Variants in PCDHA3 observed in about 807,000 individuals in gnomAD.
The protein encoded by PCDHA3 is protocadherin alpha 3.
In PCDHA3, 41 loss-of-function variants were observed where a neutral mutation model predicts 62.2. That is an observed-to-expected ratio of 0.66 (90% CI 0.51 to 0.86). PCDHA3 has a LOEUF of 0.86. Among genes scored for constraint, PCDHA3 ranks in the 40% least tolerant of loss-of-function variants. PCDHA3 has a pLI of 0.00. For missense variants in PCDHA3, 1,304 were observed against 1,241.2 expected, an observed-to-expected ratio of 1.05 and a Z score of -0.76; for synonymous variants, 640 against 555.4, an observed-to-expected ratio of 1.15 and a Z score of -2.14.
In PCDHA3 at chr5:140,850,658, G is replaced by T. The variant is rs2150492440; in HGVS notation, c.2394+47067G>T. On this transcript the variant is annotated intron_variant, in intron 1 of 3. Transcript: ENST00000522353. The stretch of plus-strand genomic sequence containing the variant: ...TCACGCTGCTGCTGTACACTGTGCT[G>T]CGGTGCTCGGCGATGCCCACCGAGG... 24 of 1,598,502 alleles carry T rather than the reference G, an allele frequency of 1.5e-5. 1 individual carries two copies. Among genetic ancestry groups the T allele is most frequent in the African/African-American group, 5.4e-5 (4 of 74,388 alleles).
At chr5:140,965,853 A>G (rs1554227879) in intron 1 of PCDHA3, among the ~76,000 whole-genome samples, 2 of 152,220 alleles carry the variant, frequency 1.3e-5, no homozygotes, top group Non-Finnish European at 2.9e-5. Flanking sequence ...CAAGGCACAC[A>G]CTGAAAATAA....
At chr5:140,841,820 G>A in intron 1 of PCDHA3, 2 of 1,613,910 alleles carry the variant, frequency 1.2e-6, no homozygotes, top group Non-Finnish European at 1.7e-6. Context: ...AGCTAACTCC[G>A]TGTTAACCTA....
intron 1 of PCDHA3, chr5:140,877,656 C>T (rs782196097): frequency 4.3e-6 from 7 of 1,613,442 alleles, no homozygotes; most frequent in African/African-American, 4.0e-5. Flanking sequence ...CGCCGCCCAC[C>T]GTGAGCCGGT....
intron 1 of PCDHA3, among the ~76,000 whole-genome samples, chr5:140,976,765 C>T (rs1483381591): frequency 6.6e-6 from 1 of 152,172 alleles, no homozygotes; most frequent in Non-Finnish European, 1.5e-5. Context: ...CAGAAGCCTG[C>T]TAGACTCTGA....
Position 141,010,175 on chromosome 5 carries a change from A to G in PCDHA3, c.*238A>G. The G allele has an allele frequency of 6.4e-7, 1 of 1,556,224 alleles. No homozygotes were observed. The highest frequency in any genetic ancestry group is 8.7e-7 in the Non-Finnish European group (1 of 1,149,078). On this transcript the variant is annotated 3_prime_UTR_variant, in exon 4 of 4. Coordinates refer to ENST00000522353, the MANE Select transcript of PCDHA3 (RefSeq NM_018906.3). ...TCTGGCTTGTTTTCAGAACCTAAAA[A>G]GCAGACCCAAGTTTCCTTTCTCCTC...
At chr5:140,926,470 G>C (rs1244984672) in intron 1 of PCDHA3, 1 of 162,858 alleles carries the variant, frequency 6.1e-6, no homozygotes. Flanking sequence ...AGAAAACACC[G>C]TTTAAGGAGA....
chr5:140,866,385 A>G (rs1211864168), intron 1 of PCDHA3: 3 of 152,140 alleles, frequency 2.0e-5, no homozygotes, highest in Non-Finnish European at 2.9e-5. Flanking sequence ...ACAATTTTAA[A>G]GACATAGATT....
chr5:140,988,024 A>G (rs2153870091), intron 3 of PCDHA3, among the ~76,000 whole-genome samples: 1 of 152,316 alleles, frequency 6.6e-6, no homozygotes, highest in East Asian at 1.9e-4. Flanking sequence ...ATGATTCTTA[A>G]GTTTTTTAGA....
intron 1 of PCDHA3, chr5:140,849,602 T>G: frequency 6.3e-7 from 1 of 1,598,704 alleles, no homozygotes; most frequent in South Asian, 1.1e-5. Flanking sequence ...GGACAGTTAT[T>G]GCCCTGATTA....
intron 1 of PCDHA3, chr5:140,848,937 C>G: frequency 1.2e-6 from 2 of 1,607,518 alleles, no homozygotes; most frequent in Non-Finnish European, 1.7e-6. Context: ...ATCCAGGCCG[C>G]TTGACTCTCG....
chr5:140,808,811 G>T, intron 1 of PCDHA3: 1 of 1,612,772 alleles, frequency 6.2e-7, no homozygotes, highest in African/African-American at 1.3e-5. Context: ...CGATGCCGGC[G>T]TGCCACCTCT....
intron 1 of PCDHA3, chr5:140,843,599 T>G: frequency 6.3e-7 from 1 of 1,595,978 alleles, no homozygotes; most frequent in South Asian, 1.1e-5. Flanking sequence ...GAGGGTGTGC[T>G]CTGGTGAGGG....
At chr5:140,967,120 G>C in intron 1 of PCDHA3, 1 of 1,612,860 alleles carries the variant, frequency 6.2e-7, no homozygotes, top group East Asian at 2.2e-5. Flanking sequence ...CTCGCTGCCT[G>C]CTCAGCTTGG....
Position 140,803,195 on chromosome 5 carries a change from G to T in PCDHA3, c.1998G>T (p.Leu666=). ...CATTGACCGCCACGGCCACTGTGCT[G>T]GTGTCGCTGGTGGAGAGTGGCCAGG... The part of the protein sequence containing the change: ...EPSLTATATV[L]VSLVESGQAP... Residue 666 remains leucine, a synonymous_variant, in exon 1 of 4, where the codon CTG becomes CTT. Transcript: ENST00000522353. 1.2e-6 allele frequency: 2 copies of T among 1,613,906 alleles called. No homozygotes were observed. Among genetic ancestry groups the T allele is most frequent in the South Asian group, 1.1e-5 (1 of 91,080 alleles).
intron 1 of PCDHA3, chr5:140,864,396 G>T (rs2048459702): frequency 6.6e-6 from 1 of 152,210 alleles, no homozygotes; most frequent in South Asian, 2.1e-4. Flanking sequence ...CACAAATGGT[G>T]ATGAGCAGGG....
At chr5:140,929,386 GAA>G in intron 1 of PCDHA3, 1 of 1,511,328 alleles carries the variant, frequency 6.6e-7, no homozygotes, top group Non-Finnish European at 8.9e-7. Context: ...GCTGTGTTTT[GAA>G]ATATTTCTTA....
chr5:140,906,878 C>T (rs557095374), intron 1 of PCDHA3, among the ~76,000 whole-genome samples: 1 of 152,332 alleles, frequency 6.6e-6, no homozygotes, highest in East Asian at 1.9e-4. Context: ...AACACTGTAA[C>T]TTCCTTCTTA....
chr5:140,962,920 T>C (rs2095718930), intron 1 of PCDHA3, among the ~76,000 whole-genome samples: 1 of 152,186 alleles, frequency 6.6e-6, no homozygotes, highest in South Asian at 2.1e-4. Context: ...ATTTGACAGA[T>C]ACTTCTCAAC....
chr5:140,875,751 G>A lies in PCDHA3; in HGVS notation c.2394+72160G>A, dbSNP rs781862261. On this transcript the variant is annotated intron_variant, in intron 1 of 3. Transcript: ENST00000522353. ...TTGTGAATTCTCGGATCGACCGCGA[G>A]AAGCTGTGCGGGCGGAGCGCGGAGT... 1.9e-6 allele frequency: 3 copies of A among 1,614,278 alleles called. No individual in the cohort carries two copies. In the South Asian group the frequency reaches 3.3e-5, roughly 18 times the overall value.
Sources: gnomAD v4.1 joint callset for allele counts (sites outside exome capture counted in the v4.1 genomes callset) on GRCh38, gnomAD v4.1.1 for gene constraint, MANE v1.5 for transcripts, NCBI Gene and HGNC (gene_info 2026-07-23, HGNC 2026-07-21) for gene names.